The following TRPM3 variants were observed in gnomAD, a reference collection of about 807,000 sequenced individuals.
TRPM3 encodes long transient receptor potential channel 3.
A neutral mutation model predicts 181.2 loss-of-function variants in TRPM3; 77 were observed. The observed-to-expected ratio is 0.42, with a 90% CI of 0.35 to 0.51. The LOEUF (loss-of-function observed/expected upper bound fraction) is 0.51. Among genes scored for constraint, TRPM3 ranks in the 20% least tolerant of loss-of-function variants. The pLI, the probability that TRPM3 is intolerant of heterozygous loss-of-function variation, is 0.01. For synonymous variants in TRPM3, 745 were observed against 796.4 expected (o/e 0.94, Z 1.09); for missense variants, 1,759 against 2,196.7 (o/e 0.80, Z 3.98).
At chr9:71,037,516 C>CGT (rs1037657520) in intron 1 of TRPM3, among the ~76,000 whole-genome samples, 4 of 152,186 alleles carry the variant, frequency 2.6e-5, no homozygotes, top group Admixed American at 6.5e-5. Context: ...GACACTTATA[C>CGT]GTGTGTGTGT....
intron 1 of TRPM3, among the ~76,000 whole-genome samples, chr9:71,152,019 G>C (rs1461928180): frequency 6.6e-6 from 1 of 152,048 alleles, no homozygotes; most frequent in Non-Finnish European, 1.5e-5. Flanking sequence ...ACCCTGGCTT[G>C]TTTTTCAATC....
At chr9:70,894,019 A>G (rs1214364540) in intron 1 of TRPM3, among the ~76,000 whole-genome samples, 3 of 152,212 alleles carry the variant, frequency 2.0e-5, no homozygotes, top group Non-Finnish European at 4.4e-5. Context: ...GGAGGACAAA[A>G]TGGGTCACGG....
chr9:71,182,618 T>C (rs1456438683), intron 1 of TRPM3, among the ~76,000 whole-genome samples: 1 of 152,110 alleles, frequency 6.6e-6, no homozygotes, highest in Non-Finnish European at 1.5e-5. Flanking sequence ...TAATAAAACA[T>C]AAAATAGTAT....
chr9:71,116,374 A>G (rs188452541), intron 1 of TRPM3, among the ~76,000 whole-genome samples: 32 of 152,350 alleles, frequency 2.1e-4, no homozygotes, highest in Non-Finnish European at 2.9e-4. Context: ...CAACTTGAAC[A>G]TCATAAATTT....
intron 1 of TRPM3, among the ~76,000 whole-genome samples, chr9:71,244,414 G>A (rs2081912607): frequency 6.6e-6 from 1 of 152,108 alleles, no homozygotes; most frequent in South Asian, 2.1e-4. Flanking sequence ...TCTGATTCCA[G>A]TGCTCATACT....
chr9:71,321,759 A>G (rs1297324165), intron 1 of TRPM3, among the ~76,000 whole-genome samples: 1 of 152,108 alleles, frequency 6.6e-6, no homozygotes, highest in African/African-American at 2.4e-5. Context: ...TGTAAATAGA[A>G]AAGTCCTTAT....
intron 1 of TRPM3, among the ~76,000 whole-genome samples, chr9:71,230,312 T>C (rs1028506359): frequency 6.6e-6 from 1 of 151,004 alleles, no homozygotes; most frequent in African/African-American, 2.4e-5. Context: ...ATTACCAGAG[T>C]CTGGGAAAAG....
At chr9:70,636,286 T>TA (rs77492938) in intron 11 of TRPM3, among the ~76,000 whole-genome samples, 3,500 of 133,250 alleles carry the variant, frequency 0.026, 126 homozygotes, top group African/African-American at 0.086. Context: ...ATTAAAAATG[T>TA]AAAAAAAAAA....
chr9:70,694,541 C>T (rs1253855504), intron 8 of TRPM3, among the ~76,000 whole-genome samples: 1 of 152,126 alleles, frequency 6.6e-6, no homozygotes, highest in Non-Finnish European at 1.5e-5. Flanking sequence ...AGCACAGTGG[C>T]GCGATCTCGG....
At chr9:70,977,390 T>C (rs1018012342) in intron 1 of TRPM3, among the ~76,000 whole-genome samples, 2 of 152,340 alleles carry the variant, frequency 1.3e-5, no homozygotes, top group South Asian at 4.1e-4. Flanking sequence ...GGCATTGGCC[T>C]CCCAAAGTGC....
At chr9:70,953,104 C>T (rs919380081) in intron 1 of TRPM3, among the ~76,000 whole-genome samples, 4 of 152,166 alleles carry the variant, frequency 2.6e-5, no homozygotes, top group East Asian at 1.9e-4. Flanking sequence ...CATTGCTACT[C>T]AACAGAACTT....
intron 1 of TRPM3, among the ~76,000 whole-genome samples, chr9:70,935,629 C>T (rs1043748689): frequency 1.3e-5 from 2 of 152,102 alleles, no homozygotes; most frequent in African/African-American, 4.8e-5. Context: ...GATGTGTGTC[C>T]TATATACTTG....
At chr9:71,244,346 C>T (rs925289053) in intron 1 of TRPM3, among the ~76,000 whole-genome samples, 1 of 152,156 alleles carries the variant, frequency 6.6e-6, no homozygotes. Context: ...CACTCTGAGC[C>T]TCAATAATTT....
intron 7 of TRPM3, chr9:70,775,798 TGTA>T (rs1291876193): frequency 6.6e-6 from 1 of 150,800 alleles, no homozygotes; most frequent in Non-Finnish European, 1.5e-5. Flanking sequence ...TTTTTTTTTT[TGTA>T]GTTTTTTCCT....
intron 22 of TRPM3, among the ~76,000 whole-genome samples, chr9:70,577,015 C>G (rs1276124843): frequency 2.0e-5 from 3 of 152,150 alleles, no homozygotes; most frequent in African/African-American, 7.2e-5. Flanking sequence ...GCTGACCATT[C>G]TCTATAAAAT....
chr9:70,854,190 G>A (rs201729684), intron 3 of TRPM3, among the ~76,000 whole-genome samples: 1 of 152,148 alleles, frequency 6.6e-6, no homozygotes, highest in East Asian at 1.9e-4. Context: ...AATTGCAAAG[G>A]GCTCACCTTA....
intron 6 of TRPM3, among the ~76,000 whole-genome samples, chr9:70,814,493 C>A (rs1052524202): frequency 1.3e-5 from 2 of 152,148 alleles, no homozygotes; most frequent in African/African-American, 4.8e-5. Flanking sequence ...AGTCATTCAC[C>A]AACCCTAAAG....
chr9:70,817,807 T>C (rs2092833317), intron 6 of TRPM3, among the ~76,000 whole-genome samples: 1 of 152,152 alleles, frequency 6.6e-6, no homozygotes, highest in Admixed American at 6.5e-5. Flanking sequence ...AAATGAGACT[T>C]ATCTAACCAT....
At chr9:70,879,999 A>G (rs1301128408) in intron 1 of TRPM3, among the ~76,000 whole-genome samples, 1 of 152,106 alleles carries the variant, frequency 6.6e-6, no homozygotes, top group Non-Finnish European at 1.5e-5. Context: ...TACAGATTAC[A>G]TGCTGGAAAA....
Sources: gnomAD v4.1 joint callset for allele counts (sites outside exome capture counted in the v4.1 genomes callset) on GRCh38, gnomAD v4.1.1 for gene constraint, MANE v1.5 for transcripts, NCBI Gene and HGNC (gene_info 2026-07-23, HGNC 2026-07-21) for gene names.